RFTN1: variants seen among roughly 807,000 people sequenced by gnomAD.
RFTN1 encodes raftlin, lipid raft linker 1, also known as raftlin.
Under a neutral mutation model 46.5 loss-of-function variants are expected in RFTN1, and 26 were observed. That is an observed-to-expected ratio of 0.56 (90% CI 0.41 to 0.78). The LOEUF (loss-of-function observed/expected upper bound fraction) is 0.78, where lower values mean the gene tolerates loss of function less well. Among genes scored for constraint, RFTN1 ranks in the 30% least tolerant of loss-of-function variants. The probability of loss-of-function intolerance (pLI) is 0.00; values close to 1 mark genes in which losing one functional copy is unlikely to be tolerated. For missense variants in RFTN1, 693 were observed against 718.7 expected, an observed-to-expected ratio of 0.96 and a Z score of 0.41; for synonymous variants, 261 against 284.2, an observed-to-expected ratio of 0.92 and a Z score of 0.82.
Position 16,504,520 on chromosome 3 carries a change from C to T in RFTN1, c.-9+8922G>A, listed in dbSNP as rs1408491446. 6.6e-6 allele frequency among the ~76,000 whole-genome samples: 1 copy of T among 152,202 alleles called. No homozygotes were observed. Among genetic ancestry groups the T allele is most frequent in the East Asian group, 1.9e-4 (1 of 5,204 alleles). On this transcript the variant is annotated intron_variant, in intron 1 of 9. Transcript: ENST00000334133. This position sits in a 1 kb window ranked among gnomAD's most constrained non-coding sequence, Gnocchi z 4.4. Reference sequence around the variant, plus strand: ...GGTATCTGACAGATGTTAAGTATTGCTGCATTTCCCTCAAAGATGTGAAAT... The same window carrying T: ...GGTATCTGACAGATGTTAAGTATTGTTGCATTTCCCTCAAAGATGTGAAAT...
intron 9 of RFTN1, among the ~76,000 whole-genome samples, chr3:16,318,081 C>T (rs1295919327): frequency 6.6e-6 from 1 of 152,184 alleles, no homozygotes; most frequent in African/African-American, 2.4e-5. Flanking sequence ...AAGTCAGGGG[C>T]TCAGAGTCCC....
intron 4 of RFTN1, among the ~76,000 whole-genome samples, chr3:16,397,547 C>G (rs1455558682): frequency 6.6e-6 from 1 of 152,150 alleles, no homozygotes; most frequent in African/African-American, 2.4e-5. Context: ...ACTACAGTAA[C>G]CATTTCACTA....
At position 16,344,714 on chromosome 3, in the gene RFTN1, C is replaced by T. The variant is rs2071526873; in HGVS notation, c.1146+13218G>A. Among the ~76,000 whole-genome samples, 1 of 152,196 alleles carries T rather than the reference C, an allele frequency of 6.6e-6. No homozygotes were observed. The highest frequency in any genetic ancestry group is 1.5e-5 in the Non-Finnish European group (1 of 68,044). ...AAGCTCATGAAGACAGACCTCCTCCCAATGAAAGCACATCGTTGCCAAGTG... is the reference window on the plus strand; with the variant it reads ...AAGCTCATGAAGACAGACCTCCTCCTAATGAAAGCACATCGTTGCCAAGTG... On this transcript the variant is annotated intron_variant, in intron 7 of 9. Transcript: ENST00000334133. This position sits in a 1 kb window ranked among gnomAD's most constrained non-coding sequence, Gnocchi z 4.4.
At chr3:16,395,547 G>A (rs1026339310) in intron 4 of RFTN1, among the ~76,000 whole-genome samples, 6 of 151,854 alleles carry the variant, frequency 4.0e-5, no homozygotes, top group African/African-American at 7.3e-5. Flanking sequence ...CTGGAATCAA[G>A]AGATCCACCC....
intron 2 of RFTN1, among the ~76,000 whole-genome samples, chr3:16,490,977 C>G (rs796727926): frequency 3.9e-5 from 6 of 152,240 alleles, no homozygotes; most frequent in African/African-American, 1.4e-4. Flanking sequence ...ACTGAGGGAG[C>G]AGCAGAGAAT....
rs1246239748 is a variant in RFTN1 at position 16,338,424 on chromosome 3, T to C, written c.1147-11548A>G. The stretch of plus-strand genomic sequence containing the variant: ...TGACTGTGGTTAAGCAACACAAAGC[T>C]GCCACATCCTGTCAGCTGCTCATCG... On this transcript the variant is annotated intron_variant, in intron 7 of 9. Transcript: ENST00000334133. This position sits in a 1 kb window ranked among gnomAD's most constrained non-coding sequence, Gnocchi z 5.3. Among the ~76,000 whole-genome samples the C allele has an allele frequency of 1.3e-5, 2 of 152,222 alleles. No individual in the cohort carries two copies. The highest frequency in any genetic ancestry group is 2.9e-5 in the Non-Finnish European group (2 of 68,040).
In RFTN1 at chr3:16,398,090, C is replaced by A. The variant is rs1449094082; in HGVS notation, c.441+11285G>T. Among the ~76,000 whole-genome samples, 3 of 151,554 alleles carry A rather than the reference C, an allele frequency of 2.0e-5. No individual in the cohort carries two copies. In the East Asian group the frequency reaches 5.8e-4, roughly 29 times the overall value. ...TGAAACCCCGTCTCTACTAAAAATA[C>A]GAAAAAATCAGCTGGGCGTGGTGGC... On this transcript the variant is annotated intron_variant, in intron 4 of 9. Transcript: ENST00000334133.
At position 16,434,060 on chromosome 3, in the gene RFTN1, T is replaced by C. The variant is rs371269003; in HGVS notation, c.146-23A>G. 117 of 1,550,804 alleles carry C rather than the reference T, an allele frequency of 7.5e-5. 1 individual carries two copies. The African/African-American group carries it at 1.4e-3, about 19-fold the overall frequency. ...CCGCTGGAGTGGAGAGAGGAGAGGC[T>C]CATCAAAGACCCATCACAACGCCCA... On this transcript the variant is annotated intron_variant, in intron 2 of 9. Transcript: ENST00000334133.
In RFTN1 at chr3:16,322,972, C is replaced by T. The variant is rs2069245151; in HGVS notation, c.1332+404G>A. 1.3e-5 allele frequency among the ~76,000 whole-genome samples: 2 copies of T among 152,188 alleles called. No individual in the cohort carries two copies. The highest frequency in any genetic ancestry group is 4.1e-4 in the South Asian group (2 of 4,828). The stretch of plus-strand genomic sequence containing the variant: ...CTTTTAATGTCCTAAGGAATCTTAA[C>T]AGGGCAGGCCAGAGCTCCAACTAGC... On this transcript the variant is annotated intron_variant, in intron 9 of 9. Coordinates refer to ENST00000334133, the MANE Select transcript of RFTN1 (RefSeq NM_015150.2). This position sits in a 1 kb window ranked among gnomAD's most constrained non-coding sequence, Gnocchi z 6.2.
rs1212418791 is a variant in RFTN1, at chr3:16,345,912, CTTG to C, written c.1146+12017_1146+12019del. On this transcript the variant is annotated intron_variant, in intron 7 of 9. Transcript: ENST00000334133. The surrounding 1 kb of genome is among the most constrained non-coding windows in gnomAD (Gnocchi z 5.2). ...CTGGAGAACCCTAATACACTTCTTT[CTTG>C]TTGTTCTGTGGCATACACTGAATAT... is the stretch of plus-strand genomic sequence containing the variant. 9 of 151,804 alleles carry C rather than the reference CTTG, an allele frequency of 5.9e-5. No homozygotes were observed. The highest frequency in any genetic ancestry group is 3.9e-4 in the Admixed American group (6 of 15,220). 9.4% of individuals were successfully genotyped at this position (151,804 alleles called of 1,614,324 possible). A position where few individuals can be genotyped will look rare whatever the true frequency, so the allele number is the denominator to read the frequency against.
intron 2 of RFTN1, among the ~76,000 whole-genome samples, chr3:16,467,960 C>G (rs944919096): frequency 6.6e-6 from 1 of 152,130 alleles, no homozygotes; most frequent in Non-Finnish European, 1.5e-5. Context: ...GAAGCAGGCT[C>G]GCTCTTACTA....
chr3:16,447,921 A>G lies in RFTN1; in HGVS notation c.146-13884T>C, dbSNP rs1258187389. 2.0e-5 allele frequency among the ~76,000 whole-genome samples: 3 copies of G among 152,114 alleles called. No homozygotes were observed. Among genetic ancestry groups the G allele is most frequent in the African/African-American group, 2.4e-5 (1 of 41,422 alleles). The stretch of plus-strand genomic sequence containing the variant: ...ATCTGATAGGCATTTGTGTGCTTAT[A>G]AGGAATCTTTAGATTTTCTCTAATG... On this transcript the variant is annotated intron_variant, in intron 2 of 9. Coordinates refer to ENST00000334133, the MANE Select transcript of RFTN1 (RefSeq NM_015150.2). This position sits in a 1 kb window ranked among gnomAD's most constrained non-coding sequence, Gnocchi z 5.9.
Position 16,507,085 on chromosome 3 carries a change from A to G in RFTN1, c.-9+6357T>C, listed in dbSNP as rs148148541. Among the ~76,000 whole-genome samples, 132 of 152,280 alleles carry G rather than the reference A, an allele frequency of 8.7e-4. 1 individual carries two copies. In the East Asian group the frequency reaches 0.02, roughly 24 times the overall value. Reference sequence around the variant, plus strand: ...GAAGCCATTTAACCTCAGTTTTCTCATCTGTAAAATGGGGACAACTGCAAT... The same window carrying G: ...GAAGCCATTTAACCTCAGTTTTCTCGTCTGTAAAATGGGGACAACTGCAAT... On this transcript the variant is annotated intron_variant, in intron 1 of 9. Transcript: ENST00000334133. This position sits in a 1 kb window ranked among gnomAD's most constrained non-coding sequence, Gnocchi z 7.1.
At chr3:16,419,690 A>G (rs79695132) in intron 3 of RFTN1, among the ~76,000 whole-genome samples, 1 of 152,238 alleles carries the variant, frequency 6.6e-6, no homozygotes, top group Non-Finnish European at 1.5e-5. Context: ...CTGAAGAAAT[A>G]CTTGAGGAAA....
In RFTN1 at chr3:16,499,209, G is replaced by A. The variant is rs1370937265; in HGVS notation, c.-8-5332C>T. On this transcript the variant is annotated intron_variant, in intron 1 of 9. Transcript: ENST00000334133. The surrounding 1 kb of genome is among the most constrained non-coding windows in gnomAD (Gnocchi z 4.9). ...GTAAGTAGGATGGTTTTTAAATGTGGCTCCAAAATCCACTGACATTCCTCC... is the reference window on the plus strand; with the variant it reads ...GTAAGTAGGATGGTTTTTAAATGTGACTCCAAAATCCACTGACATTCCTCC... Among the ~76,000 whole-genome samples, 1 of 152,138 alleles carries A rather than the reference G, an allele frequency of 6.6e-6. No individual in the cohort carries two copies. Among genetic ancestry groups the A allele is most frequent in the East Asian group, 1.9e-4 (1 of 5,202 alleles).
rs202032095 is a variant in RFTN1 at position 16,398,244 on chromosome 3, C to CAAAA, written c.441+11127_441+11130dup. Among the ~76,000 whole-genome samples, 73 of 110,882 alleles carry CAAAA rather than the reference C, an allele frequency of 6.6e-4. 1 individual carries two copies. The highest frequency in any genetic ancestry group is 9.8e-4 in the Non-Finnish European group (47 of 47,834). The allele number at this position is 110,882 out of a possible 152,430, so 72.7% of individuals were successfully genotyped here. On this transcript the variant is annotated intron_variant, in intron 4 of 9. Coordinates refer to ENST00000334133, the MANE Select transcript of RFTN1 (RefSeq NM_015150.2). ...CCTGGGTGACAGAGAAAGACTGTCT[C>CAAAA]AAAAAAAAAAAAAAAAAAAAAAAAA... is the stretch of plus-strand genomic sequence containing the variant.
chr3:16,350,508 A>G (rs1216938584), intron 7 of RFTN1, among the ~76,000 whole-genome samples: 1 of 148,886 alleles, frequency 6.7e-6, no homozygotes, highest in Non-Finnish European at 1.5e-5. Flanking sequence ...TTTTTTTTTT[A>G]AAGGAAAAGG....
chr3:16,504,097 T>A lies in RFTN1; in HGVS notation c.-9+9345A>T, dbSNP rs1280256039. On this transcript the variant is annotated intron_variant, in intron 1 of 9. Transcript: ENST00000334133. The surrounding 1 kb of genome is among the most constrained non-coding windows in gnomAD (Gnocchi z 4.4). ...CTCCGTTCACAGTGCCCTTAGTTTC[T>A]CTGTACATTTTTTAATGGCATGCCC... is the stretch of plus-strand genomic sequence containing the variant. 6.6e-6 allele frequency among the ~76,000 whole-genome samples: 1 copy of A among 151,686 alleles called. No homozygotes were observed. Among genetic ancestry groups the A allele is most frequent in the Non-Finnish European group, 1.5e-5 (1 of 67,976 alleles).
chr3:16,342,479 G>A lies in RFTN1; in HGVS notation c.1146+15453C>T, dbSNP rs1207989381. 1.3e-5 allele frequency among the ~76,000 whole-genome samples: 2 copies of A among 152,112 alleles called. No homozygotes were observed. Among genetic ancestry groups the A allele is most frequent in the Non-Finnish European group, 2.9e-5 (2 of 68,032 alleles). The stretch of plus-strand genomic sequence containing the variant: ...CTACTTTTTGGACATTACAAATAAA[G>A]CTGCCATCAACATTAATGTACATAG... On this transcript the variant is annotated intron_variant, in intron 7 of 9. Coordinates refer to ENST00000334133, the MANE Select transcript of RFTN1 (RefSeq NM_015150.2). This position sits in a 1 kb window ranked among gnomAD's most constrained non-coding sequence, Gnocchi z 4.0.
Sources: allele counts gnomAD v4.1 joint callset (sites outside exome capture counted in the v4.1 genomes callset), GRCh38; gene constraint gnomAD v4.1.1; non-coding constraint Gnocchi (gnomAD v3.1); transcripts MANE v1.5; gene names NCBI Gene and HGNC (gene_info 2026-07-23, HGNC 2026-07-21).